PCDHA5: variants seen among roughly 807,000 people sequenced by gnomAD.
The protein encoded by PCDHA5 is protocadherin alpha-5.
In PCDHA5, 43 loss-of-function variants were observed where a neutral mutation model predicts 61.6. The ratio of observed to expected loss-of-function variants is 0.70; its 90% CI spans 0.55 to 0.90. PCDHA5 has a LOEUF of 0.90. PCDHA5 is among the 40% of genes least tolerant of loss of function. PCDHA5 has a pLI of 0.00. For missense variants in PCDHA5, 1,298 were observed against 1,222.7 expected, an observed-to-expected ratio of 1.06 and a Z score of -0.92; for synonymous variants, 627 against 543.9, an observed-to-expected ratio of 1.15 and a Z score of -2.13.
chr5:140,850,789 A>C, intron 1 of PCDHA5: 1 of 1,598,402 alleles, frequency 6.3e-7, no homozygotes, highest in Non-Finnish European at 8.6e-7. Flanking sequence ...GAGGGTAAGC[A>C]GAAGACCGAC....
intron 1 of PCDHA5, chr5:140,865,867 G>A (rs1382471078): frequency 7.9e-5 from 12 of 152,202 alleles, no homozygotes; most frequent in South Asian, 2.1e-4. Flanking sequence ...ACATGGTCTC[G>A]GCTAGGAAAA....
Position 141,005,701 on chromosome 5 carries a change from C to CAAA in PCDHA5, c.2501-3898_2501-3896dup, listed in dbSNP as rs59860837. ...TGGGCGACAGAGCGAAACTCCGTCTCAAAAAAAAAAAAAAAAAAAAAAAAA... is the reference window on the plus strand; with the variant it reads ...TGGGCGACAGAGCGAAACTCCGTCTCAAAAAAAAAAAAAAAAAAAAAAAAAAAA... On this transcript the variant is annotated intron_variant, in intron 3 of 3. Transcript: ENST00000529859. Among the ~76,000 whole-genome samples the CAAA allele has an allele frequency of 9.1e-3, 71 of 7,774 alleles. 6 individuals are homozygous for CAAA. Among genetic ancestry groups the CAAA allele is most frequent in the Non-Finnish European group, 0.012 (43 of 3,684 alleles). 5.1% of individuals were successfully genotyped at this position (7,774 alleles called of 152,430 possible).
intron 1 of PCDHA5, chr5:140,849,602 T>G: frequency 6.3e-7 from 1 of 1,598,704 alleles, no homozygotes; most frequent in South Asian, 1.1e-5. Flanking sequence ...GGACAGTTAT[T>G]GCCCTGATTA....
intron 3 of PCDHA5, among the ~76,000 whole-genome samples, chr5:141,001,278 C>A (rs182360019): frequency 6.6e-6 from 1 of 152,050 alleles, no homozygotes; most frequent in Non-Finnish European, 1.5e-5. Flanking sequence ...ACTTTTTTTA[C>A]GGATGAAAAC....
rs1767833513 is a variant in PCDHA5 at position 140,823,677 on chromosome 5, C to T, written c.1902C>T (p.Arg634=). ...GLYTGEISTT[R]SLDETEAPRH... ...ACACAGGCGAGATCAGCACAACACG[C>T]TCTCTGGATGAGACCGAAGCACCGC... The change falls in exon 1 of 4, where the codon CGC becomes CGT. Residue 634 remains arginine, a synonymous_variant. Transcript: ENST00000529859. 3 of 1,613,930 alleles carry T rather than the reference C, an allele frequency of 1.9e-6. No individual in the cohort carries two copies. The highest frequency in any genetic ancestry group is 1.1e-5 in the South Asian group (1 of 91,094).
intron 1 of PCDHA5, among the ~76,000 whole-genome samples, chr5:140,974,548 G>A (rs2096631054): frequency 6.6e-6 from 1 of 152,068 alleles, no homozygotes; most frequent in South Asian, 2.1e-4. Context: ...TTTTGCTCTT[G>A]TTGCCCAGGC....
intron 1 of PCDHA5, among the ~76,000 whole-genome samples, chr5:140,959,151 C>CAG (rs782425604): frequency 2.0e-4 from 30 of 152,084 alleles, no homozygotes; most frequent in African/African-American, 7.0e-4. Context: ...CCAAAGTGGG[C>CAG]AGATTGCTTG....
intron 1 of PCDHA5, among the ~76,000 whole-genome samples, chr5:140,944,130 G>C (rs141500614): frequency 3.9e-4 from 60 of 152,256 alleles, no homozygotes; most frequent in Non-Finnish European, 7.9e-4. Context: ...AGAAGAAAAG[G>C]TTGAAGATTA....
chr5:140,866,295 G>T (rs561985862), intron 1 of PCDHA5: 17 of 152,252 alleles, frequency 1.1e-4, no homozygotes, highest in African/African-American at 3.4e-4. Flanking sequence ...GACAAGTATA[G>T]ATGTTGATAT....
chr5:140,870,475 G>T, intron 1 of PCDHA5: 2 of 1,614,214 alleles, frequency 1.2e-6, no homozygotes, highest in Non-Finnish European at 1.7e-6. Flanking sequence ...CGCACAGCCC[G>T]AGTACACCGT....
At position 140,823,756 on chromosome 5, in the gene PCDHA5, A is replaced by G. The variant is rs1767861946; in HGVS notation, c.1981A>G (p.Thr661Ala). 1 of 1,613,820 alleles carries G rather than the reference A, an allele frequency of 6.2e-7. No homozygotes were observed. The highest frequency in any genetic ancestry group is 8.5e-7 in the Non-Finnish European group (1 of 1,179,928). Reference protein sequence around the residue: ...KDHGEPPLTATATVLVSLVES... With the variant: ...KDHGEPPLTAAATVLVSLVES... ...CCATGGAGAGCCCCCGCTGACAGCC[A>G]CAGCCACAGTGCTGGTGTCGCTGGT... is the stretch of plus-strand genomic sequence containing the variant. Residue 661 changes from threonine to alanine, a missense_variant, in exon 1 of 4, where the codon ACA becomes GCA. Thr to Ala is a moderately conservative substitution (Grantham distance 58). Coordinates refer to ENST00000529859, the MANE Select transcript of PCDHA5 (RefSeq NM_018908.3).
intron 1 of PCDHA5, chr5:140,884,593 C>A: frequency 6.2e-7 from 1 of 1,614,162 alleles, no homozygotes; most frequent in Non-Finnish European, 8.5e-7. Flanking sequence ...TCAGTCCCAG[C>A]CTTCCTCCTT....
intron 1 of PCDHA5, among the ~76,000 whole-genome samples, chr5:140,977,973 A>G (rs1336063493): frequency 4.6e-5 from 7 of 152,178 alleles, no homozygotes; most frequent in Admixed American, 3.9e-4. Flanking sequence ...TCCGCCCATG[A>G]AAACGCATCT....
intron 1 of PCDHA5, among the ~76,000 whole-genome samples, chr5:140,898,428 A>G (rs1554187988): frequency 2.6e-5 from 4 of 152,132 alleles, no homozygotes; most frequent in Non-Finnish European, 5.9e-5. Flanking sequence ...TTTTCCCAGC[A>G]CCATTTATTA....
rs114410083 is a variant in PCDHA5, at chr5:140,927,323, C to T, written c.2353-51626C>T. 1,487 of 1,614,220 alleles carry T rather than the reference C, an allele frequency of 9.2e-4. 8 individuals are homozygous for T. In the African/African-American group the frequency reaches 0.018, roughly 19 times the overall value. ...TTCCTGACGCCCGGAGCCCGCTTTA[C>T]TCTCCCGAATGCCCAAGATGACGAC... On this transcript the variant is annotated intron_variant, in intron 1 of 3. Coordinates refer to ENST00000529859, the MANE Select transcript of PCDHA5 (RefSeq NM_018908.3).
intron 1 of PCDHA5, among the ~76,000 whole-genome samples, chr5:140,961,987 C>T (rs1411300268): frequency 1.3e-5 from 2 of 151,942 alleles, no homozygotes; most frequent in African/African-American, 4.8e-5. Context: ...GGGTTCACGC[C>T]ATTGTCCTGC....
rs1554140265 is a variant in PCDHA5 at position 140,843,611 on chromosome 5, C to T, written c.2352+19484C>T. ...GCAGAGGGTGTGCTCTGGTGAGGGG[C>T]CACCGAAGACGGACCTCATGGCCTT... On this transcript the variant is annotated intron_variant, in intron 1 of 3. Coordinates refer to ENST00000529859, the MANE Select transcript of PCDHA5 (RefSeq NM_018908.3). 7 of 1,595,892 alleles carry T rather than the reference C, an allele frequency of 4.4e-6. 1 individual carries two copies. Among genetic ancestry groups the T allele is most frequent in the Non-Finnish European group, 6.0e-6 (7 of 1,165,418 alleles).
At chr5:140,966,447 C>T (rs373859357) in intron 1 of PCDHA5, 40 of 425,326 alleles carry the variant, frequency 9.4e-5, no homozygotes, top group Middle Eastern at 5.8e-4. Context: ...CTCCCTTTCC[C>T]CCTCCCCCTC....
intron 1 of PCDHA5, among the ~76,000 whole-genome samples, chr5:140,899,690 C>T (rs1340913543): frequency 6.6e-6 from 1 of 152,156 alleles, no homozygotes; most frequent in Non-Finnish European, 1.5e-5. Flanking sequence ...TGATGCTGGC[C>T]TCATAAAATG....
Sources: gnomAD v4.1 joint callset for allele counts (sites outside exome capture counted in the v4.1 genomes callset) on GRCh38, gnomAD v4.1.1 for gene constraint, MANE v1.5 for transcripts, NCBI Gene and HGNC (gene_info 2026-07-23, HGNC 2026-07-21) for gene names.